NPAS3: variants seen among roughly 807,000 people sequenced by gnomAD.
The protein encoded by NPAS3 is neuronal PAS domain-containing protein 3.
In NPAS3, 14 loss-of-function variants were observed where a neutral mutation model predicts 73.1. The ratio of observed to expected loss-of-function variants is 0.19; its 90% CI spans 0.13 to 0.30. The LOEUF is 0.30. Ranked by LOEUF, NPAS3 falls within the 10% of genes least tolerant of loss-of-function variation. NPAS3 has a pLI of 1.00. For missense variants in NPAS3, 1,096 were observed against 1,250.0 expected (o/e 0.88, Z 1.86); for synonymous variants, 620 against 541.5 (o/e 1.14, Z -2.01).
chr14:33,040,522 AAATAGTCTACAGAATGGC>A (rs1346384667), intron 1 of NPAS3, among the ~76,000 whole-genome samples: 3 of 152,166 alleles, frequency 2.0e-5, no homozygotes, highest in Non-Finnish European at 4.4e-5. Flanking sequence ...CATAACCACA[AAATAGTCTACAGAATGGC>A]AATTGCATCA....
intron 3 of NPAS3, among the ~76,000 whole-genome samples, chr14:33,290,148 G>A (rs189835907): frequency 7.2e-5 from 11 of 152,188 alleles, no homozygotes; most frequent in African/African-American, 2.2e-4. Context: ...TTTTAAAATT[G>A]CCTGGGTTCA....
At chr14:33,073,442 T>C (rs1045774863) in intron 2 of NPAS3, among the ~76,000 whole-genome samples, 4 of 152,148 alleles carry the variant, frequency 2.6e-5, no homozygotes, top group African/African-American at 9.7e-5. Flanking sequence ...GGCAAGGAGA[T>C]AGAGGGTGGC....
intron 1 of NPAS3, among the ~76,000 whole-genome samples, chr14:32,951,144 A>G (rs532424758): frequency 6.6e-6 from 1 of 152,046 alleles, no homozygotes; most frequent in Non-Finnish European, 1.5e-5. Flanking sequence ...AGGAAGTTGT[A>G]TTCTACCTAG....
chr14:32,964,775 G>T (rs1466933847), intron 1 of NPAS3, among the ~76,000 whole-genome samples: 2 of 151,408 alleles, frequency 1.3e-5, no homozygotes, highest in African/African-American at 4.9e-5. Context: ...CTGGGTTCAA[G>T]ACCAGCTTGG....
rs138507989 is a variant in NPAS3 at position 33,732,901 on chromosome 14, A to G, written c.734-2313A>G. 4.3e-4 allele frequency among the ~76,000 whole-genome samples: 64 copies of G among 150,574 alleles called. No individual in the cohort carries two copies. In the East Asian group the frequency reaches 0.01, roughly 24 times the overall value. On this transcript the variant is annotated intron_variant, in intron 6 of 11. Coordinates refer to ENST00000356141, the Ensembl canonical transcript of NPAS3. ...TGTCTTCACCCAGCTGGAAGCACCC[A>G]TGCTGTGGTCTCTAATGTACCCTCT...
chr14:32,963,182 A>C (rs1043288453), intron 1 of NPAS3, among the ~76,000 whole-genome samples: 2 of 152,226 alleles, frequency 1.3e-5, no homozygotes, highest in African/African-American at 4.8e-5. Context: ...AAAGGAAGGC[A>C]GTTCTGAATG....
chr14:33,109,015 T>C (rs1478071587), intron 2 of NPAS3, among the ~76,000 whole-genome samples: 1 of 152,210 alleles, frequency 6.6e-6, no homozygotes, highest in African/African-American at 2.4e-5. Flanking sequence ...TATCTTGTTT[T>C]CTTTACAGTC....
chr14:33,012,845 C>T (rs1217096080), intron 1 of NPAS3, among the ~76,000 whole-genome samples: 1 of 152,248 alleles, frequency 6.6e-6, no homozygotes, highest in Non-Finnish European at 1.5e-5. Context: ...CCACAGCGCC[C>T]GGCCCAAAGT....
intron 1 of NPAS3, among the ~76,000 whole-genome samples, chr14:32,964,582 A>G (rs1034643404): frequency 6.6e-6 from 1 of 152,258 alleles, no homozygotes; most frequent in East Asian, 1.9e-4. Context: ...AAAAATTCTG[A>G]AGATTTAATA....
At chr14:33,615,587 A>G (rs969706760) in intron 5 of NPAS3, among the ~76,000 whole-genome samples, 15 of 152,214 alleles carry the variant, frequency 9.9e-5, no homozygotes, top group Admixed American at 9.8e-4. Context: ...TATGAGCAGA[A>G]AGATTATTTC....
intron 5 of NPAS3, among the ~76,000 whole-genome samples, chr14:33,577,938 T>TA (rs1394350574): frequency 1.3e-5 from 2 of 152,118 alleles, no homozygotes; most frequent in Admixed American, 6.5e-5. Flanking sequence ...CAAAGGCAAA[T>TA]AAAAAGGAGT....
chr14:33,123,228 G>C (rs1432952116), intron 2 of NPAS3, among the ~76,000 whole-genome samples: 2 of 152,026 alleles, frequency 1.3e-5, no homozygotes. Flanking sequence ...ATCATGTTTA[G>C]ATCATCACGG....
At chr14:33,307,252 T>A (rs1268624696) in intron 3 of NPAS3, among the ~76,000 whole-genome samples, 1 of 152,172 alleles carries the variant, frequency 6.6e-6, no homozygotes, top group Admixed American at 6.5e-5. Context: ...AATTTGAAAA[T>A]TCAAAGAAAT....
intron 7 of NPAS3, among the ~76,000 whole-genome samples, chr14:33,764,556 T>G (rs72664575): frequency 3.9e-5 from 6 of 152,276 alleles, no homozygotes; most frequent in Non-Finnish European, 8.8e-5. Context: ...GGGAAGCAGT[T>G]TTTCTTCCTT....
At chr14:33,178,196 T>C (rs1373374364) in intron 2 of NPAS3, among the ~76,000 whole-genome samples, 7 of 150,268 alleles carry the variant, frequency 4.7e-5, no homozygotes, top group African/African-American at 9.8e-5. Flanking sequence ...TGCCTCAGCC[T>C]CCCGAGTGGC....
At chr14:33,768,177 G>A (rs1162680713) in intron 7 of NPAS3, among the ~76,000 whole-genome samples, 1 of 152,212 alleles carries the variant, frequency 6.6e-6, no homozygotes, top group Admixed American at 6.5e-5. Flanking sequence ...CTGCTTCACT[G>A]TTGCTGGCAT....
chr14:33,631,641 T>A (rs139022278), intron 5 of NPAS3, among the ~76,000 whole-genome samples: 1 of 152,194 alleles, frequency 6.6e-6, no homozygotes, highest in Non-Finnish European at 1.5e-5. Context: ...TGATATAGAC[T>A]CTCTTTGGCG....
chr14:33,314,438 A>T (rs2043128381), intron 3 of NPAS3, among the ~76,000 whole-genome samples: 1 of 152,052 alleles, frequency 6.6e-6, no homozygotes, highest in Admixed American at 6.6e-5. Context: ...TGAAATGAGG[A>T]TAGTAGTGTC....
intron 4 of NPAS3, among the ~76,000 whole-genome samples, chr14:33,445,381 A>G (rs1416580957): frequency 6.6e-6 from 1 of 152,236 alleles, no homozygotes; most frequent in African/African-American, 2.4e-5. Flanking sequence ...CTTCTACTAC[A>G]GCTATTCTCC....
Sources: allele counts gnomAD v4.1 joint callset (sites outside exome capture counted in the v4.1 genomes callset), GRCh38; gene constraint gnomAD v4.1.1; transcripts MANE v1.5; gene names NCBI Gene and HGNC (gene_info 2026-07-23, HGNC 2026-07-21).